Variants in DMD observed in about 807,000 individuals in gnomAD.
The protein encoded by DMD is mutant dystrophin.
Under a neutral mutation model 330.1 loss-of-function variants are expected in DMD, and 63 were observed. That is an observed-to-expected ratio of 0.19 (90% confidence interval 0.16 to 0.24). DMD has a LOEUF of 0.24. Ranked by LOEUF, DMD falls within the 10% of genes least tolerant of loss-of-function variation. The pLI is 1.00. For synonymous variants in DMD, 1,223 were observed against 959.8 expected, an observed-to-expected ratio of 1.27 and a Z score of -5.07; for missense variants, 3,344 against 2,684.1, an observed-to-expected ratio of 1.25 and a Z score of -5.43.
chrX:31,922,495 GGTGT>G lies in DMD; in HGVS notation c.6912+7097_6912+7100del, dbSNP rs765621749. Among the ~76,000 whole-genome samples, 838 of 97,489 alleles carry G rather than the reference GGTGT, an allele frequency of 8.6e-3. 5 individuals carry two copies. The highest frequency in any genetic ancestry group is 0.021 in the Middle Eastern group (4 of 192). 84.7% of individuals were successfully genotyped at this position (97,489 alleles called of 115,157 possible). A position where few individuals can be genotyped will look rare whatever the true frequency, so the allele number is the denominator to read the frequency against. On this transcript the variant is annotated intron_variant, in intron 47 of 78. Coordinates refer to ENST00000357033, the MANE Select transcript of DMD (RefSeq NM_004006.3). The stretch of plus-strand genomic sequence containing the variant: ...GTTCCAGAGGCCTGGACTTGAGACT[GGTGT>G]GTGTGTGTGTGTGTGTGTGTGTGTG...
intron 50 of DMD, among the ~76,000 whole-genome samples, chrX:31,789,471 T>C (rs2149306209): frequency 9.0e-6 from 1 of 111,634 alleles, no homozygotes; most frequent in South Asian, 3.7e-4. Context: ...GTGAGAGTTC[T>C]TTTTAGTAGA....
chrX:31,301,673 C>A (rs2054649509), intron 62 of DMD, among the ~76,000 whole-genome samples: 1 of 112,351 alleles, frequency 8.9e-6, no homozygotes, highest in Admixed American at 9.4e-5. Context: ...ATATCAGGCA[C>A]TGAGGAAATA....
At position 32,651,042 on chromosome X, in the gene DMD, C is replaced by G. The variant is rs149941473; in HGVS notation, c.961-5890G>C. 3.6e-3 allele frequency among the ~76,000 whole-genome samples: 405 copies of G among 111,550 alleles called. 3 individuals are homozygous for G. The highest frequency in any genetic ancestry group is 0.032 in the Middle Eastern group (7 of 216). On this transcript the variant is annotated intron_variant, in intron 9 of 78. Transcript: ENST00000357033. ...ACTTAAAACCAGGTTGTTTGGATTC[C>G]AAAACACGTCTTTATCCCAATATGA...
At chrX:31,657,903 T>A in intron 54 of DMD, 87 bp downstream of exon 54, 1 of 1,023,830 alleles carries the variant, frequency 9.8e-7, no homozygotes. Flanking sequence ...TTTAGCTGGA[T>A]TGGAAAAACA....
intron 7 of DMD, among the ~76,000 whole-genome samples, chrX:32,737,616 T>A (rs756308169): frequency 6.5e-4 from 73 of 111,942 alleles, no homozygotes; most frequent in Non-Finnish European, 1.3e-3. Context: ...ATTAAAAACA[T>A]GTATCTGTGG....
chrX:32,252,749 TATATAA>T (rs1400874761), intron 43 of DMD, among the ~76,000 whole-genome samples: 1 of 43,257 alleles, frequency 2.3e-5, no homozygotes. Flanking sequence ...TATATAAATA[TATATAA>T]ATATATAAAT....
intron 65 of DMD, among the ~76,000 whole-genome samples, chrX:31,209,074 A>C (rs111433784): frequency 2.7e-5 from 3 of 112,033 alleles, no homozygotes; most frequent in South Asian, 3.8e-4. Flanking sequence ...AATCTTCTGC[A>C]AAAGTGTCCT....
intron 13 of DMD, among the ~76,000 whole-genome samples, chrX:32,586,841 T>C (rs5972613): frequency 0.16 from 17,668 of 110,520 alleles, 3,558 homozygotes; most frequent in African/African-American, 0.55. Context: ...GATATAGGGT[T>C]GGCATTACAT....
intron 2 of DMD, among the ~76,000 whole-genome samples, chrX:33,007,423 C>G (rs891889331): frequency 7.2e-5 from 8 of 110,897 alleles, no homozygotes; most frequent in African/African-American, 2.6e-4. Context: ...TTTTGTATGC[C>G]TCTTAAGTGA....
intron 7 of DMD, among the ~76,000 whole-genome samples, chrX:32,794,217 T>A (rs1000759835): frequency 7.2e-5 from 8 of 111,092 alleles, no homozygotes; most frequent in African/African-American, 2.6e-4. Context: ...CAAAAAAAAT[T>A]AACAAAATAA....
intron 1 of DMD, among the ~76,000 whole-genome samples, chrX:33,219,795 G>A (rs1315462572): frequency 9.0e-6 from 1 of 111,642 alleles, no homozygotes; most frequent in African/African-American, 3.3e-5. Context: ...AGTGAGCTGA[G>A]AATCAGTAAC....
chrX:32,760,115 A>G (rs1459041185), intron 7 of DMD, among the ~76,000 whole-genome samples: 1 of 111,995 alleles, frequency 8.9e-6, no homozygotes, highest in Admixed American at 9.5e-5. Flanking sequence ...ATGTCACAAA[A>G]ATCCCCCCAA....
chrX:31,707,653 G>A (rs932453135), intron 52 of DMD, among the ~76,000 whole-genome samples: 1 of 111,472 alleles, frequency 9.0e-6, no homozygotes, highest in Non-Finnish European at 1.9e-5. Context: ...GTTGTGAAAA[G>A]GAACCAACAA....
intron 52 of DMD, among the ~76,000 whole-genome samples, chrX:31,685,558 A>T (rs1015275948): frequency 8.9e-6 from 1 of 112,040 alleles, no homozygotes; most frequent in African/African-American, 3.2e-5. Context: ...TACATTTTAC[A>T]TTTCTGTCTC....
chrX:31,759,521 T>G (rs992007562), intron 51 of DMD, among the ~76,000 whole-genome samples: 1 of 111,625 alleles, frequency 9.0e-6, no homozygotes, highest in African/African-American at 3.3e-5. Flanking sequence ...TTATAATTAC[T>G]TACGTAACAC....
chrX:33,095,421 T>A (rs1038215893), intron 1 of DMD, among the ~76,000 whole-genome samples: 4 of 112,112 alleles, frequency 3.6e-5, no homozygotes, highest in Admixed American at 9.5e-5. Context: ...TCTTTTTATG[T>A]CCCTTGTTAT....
At chrX:32,230,402 G>A (rs2097164914) in intron 43 of DMD, among the ~76,000 whole-genome samples, 1 of 110,862 alleles carries the variant, frequency 9.0e-6, no homozygotes, top group Non-Finnish European at 1.9e-5. Flanking sequence ...CCGCCACCAC[G>A]CCCGGCTAAT....
chrX:33,222,714 A>G (rs1224604308), intron 1 of DMD, among the ~76,000 whole-genome samples: 1 of 112,200 alleles, frequency 8.9e-6, no homozygotes. Flanking sequence ...AGATAAATAT[A>G]CAAAAATTGA....
chrX:31,639,838 AG>A (rs2079627420), intron 54 of DMD, among the ~76,000 whole-genome samples: 1 of 111,844 alleles, frequency 8.9e-6, no homozygotes, highest in Non-Finnish European at 1.9e-5. Flanking sequence ...GGTATTACAA[AG>A]TATTTGTTAT....
Sources: gnomAD v4.1 joint callset for allele counts (sites outside exome capture counted in the v4.1 genomes callset) on GRCh38, gnomAD v4.1.1 for gene constraint, MANE v1.5 for transcripts, NCBI Gene and HGNC (gene_info 2026-07-23, HGNC 2026-07-21) for gene names.